DZIP3: variants seen among roughly 807,000 people sequenced by gnomAD.
DZIP3 encodes E3 ubiquitin-protein ligase DZIP3.
Under a neutral mutation model 162.0 loss-of-function variants are expected in DZIP3, and 118 were observed. The observed-to-expected ratio is 0.73, with a 90% CI of 0.63 to 0.85. DZIP3 has a LOEUF of 0.85. DZIP3 is among the 40% of genes least tolerant of loss of function. DZIP3 has a pLI of 0.00. For missense variants in DZIP3, 1,331 were observed against 1,407.0 expected (o/e 0.95, Z 0.86); for synonymous variants, 438 against 458.6 (o/e 0.96, Z 0.57).
At chr3:108,590,877 A>G (rs1196794973) in intron 1 of DZIP3, among the ~76,000 whole-genome samples, 1 of 152,230 alleles carries the variant, frequency 6.6e-6, no homozygotes, top group African/African-American at 2.4e-5. Flanking sequence ...TTGAGAATCT[A>G]CAATGTGCTA....
chr3:108,615,365 T>C (rs960796697), intron 4 of DZIP3, among the ~76,000 whole-genome samples: 1 of 152,198 alleles, frequency 6.6e-6, no homozygotes, highest in Admixed American at 6.5e-5. Flanking sequence ...ATTCAAGAGA[T>C]ATTGTTTGAG....
chr3:108,653,507 G>GTGTGTA (rs1273159630), intron 18 of DZIP3, among the ~76,000 whole-genome samples: 44 of 104,612 alleles, frequency 4.2e-4, no homozygotes, highest in Non-Finnish European at 6.2e-4. Context: ...GTGTGTGTGT[G>GTGTGTA]TATATATATA....
chr3:108,590,653 T>C (rs894269378), intron 1 of DZIP3, among the ~76,000 whole-genome samples: 1 of 152,148 alleles, frequency 6.6e-6, no homozygotes, highest in Non-Finnish European at 1.5e-5. Flanking sequence ...ACATACAAAA[T>C]AGTACTTTTG....
In DZIP3 at chr3:108,642,435, C is replaced by T; in HGVS notation, c.1065-3C>T. 2 of 1,469,988 alleles carry T rather than the reference C, an allele frequency of 1.4e-6. No homozygotes were observed. The highest frequency in any genetic ancestry group is 1.8e-6 in the Non-Finnish European group (2 of 1,089,900). 91.1% of individuals were successfully genotyped at this position (1,469,988 alleles called of 1,614,324 possible). ...CTATAACTTAATTTTTTTCCTTTTG[C>T]AGTTATAGAAAGTTGATATCTCTGA... is the stretch of plus-strand genomic sequence containing the variant. On this transcript the variant is annotated splice_polypyrimidine_tract_variant and splice_region_variant and intron_variant, in intron 12 of 32. Coordinates refer to ENST00000361582, the MANE Select transcript of DZIP3 (RefSeq NM_014648.4).
intron 7 of DZIP3, among the ~76,000 whole-genome samples, chr3:108,626,716 AAG>A (rs1410399040): frequency 6.6e-6 from 1 of 152,222 alleles, no homozygotes; most frequent in Non-Finnish European, 1.5e-5. Flanking sequence ...AGTACAGTGA[AAG>A]ATATAGATCT....
chr3:108,647,326 A>AT (rs138210661), intron 15 of DZIP3, among the ~76,000 whole-genome samples: 20 of 151,576 alleles, frequency 1.3e-4, no homozygotes, highest in Admixed American at 9.2e-4. Flanking sequence ...TTTTTGTGCT[A>AT]TTTTTTTTAA....
At chr3:108,635,086 C>G in intron 10 of DZIP3, 114 bp downstream of exon 10, 1 of 591,018 alleles carries the variant, frequency 1.7e-6, no homozygotes, top group Non-Finnish European at 2.9e-6. Context: ...TTTTTACTTC[C>G]TCCTTTTTTT....
At chr3:108,609,983 T>C (rs1940607866) in intron 3 of DZIP3, among the ~76,000 whole-genome samples, 1 of 152,220 alleles carries the variant, frequency 6.6e-6, no homozygotes, top group Non-Finnish European at 1.5e-5. Context: ...TATGCACTAC[T>C]GATATTGGTC....
At chr3:108,657,246 G>A (rs370926899) in intron 19 of DZIP3, among the ~76,000 whole-genome samples, 1 of 151,898 alleles carries the variant, frequency 6.6e-6, no homozygotes, top group South Asian at 2.1e-4. Flanking sequence ...GAGAAAGGTC[G>A]GGTTACCCAC....
chr3:108,641,378 T>C lies in DZIP3; in HGVS notation c.1065-1060T>C, dbSNP rs1013291091. On this transcript the variant is annotated intron_variant, in intron 12 of 32. Transcript: ENST00000361582. Reference sequence around the variant, plus strand: ...TAGTGTGATTCCATTCTTACTATTATAGTTGTAGTGTTTTCATTTTTATTG... The same window carrying C: ...TAGTGTGATTCCATTCTTACTATTACAGTTGTAGTGTTTTCATTTTTATTG... Among the ~76,000 whole-genome samples the C allele has an allele frequency of 7.2e-5, 11 of 152,192 alleles. No homozygotes were observed. In the South Asian group the frequency reaches 1.4e-3, roughly 20 times the overall value.
chr3:108,651,196 CT>C, intron 18 of DZIP3, 34 bp downstream of exon 18: 1 of 695,078 alleles, frequency 1.4e-6, no homozygotes, highest in Non-Finnish European at 2.0e-6. Context: ...TTAAATTTTT[CT>C]TAGTATTTTT....
At chr3:108,593,978 A>G (rs945506756) in intron 1 of DZIP3, among the ~76,000 whole-genome samples, 3 of 152,084 alleles carry the variant, frequency 2.0e-5, no homozygotes, top group African/African-American at 7.2e-5. Context: ...AATTTCTAGT[A>G]TAGTTACGGA....
At chr3:108,658,744 C>A (rs1220562099) in intron 19 of DZIP3, among the ~76,000 whole-genome samples, 2 of 151,776 alleles carry the variant, frequency 1.3e-5, no homozygotes, top group African/African-American at 4.8e-5. Context: ...AGACCGCTAG[C>A]AAGACTAATA....
intron 8 of DZIP3, among the ~76,000 whole-genome samples, chr3:108,631,055 A>ATACACT (rs1553705360): frequency 2.8e-4 from 5 of 18,006 alleles, no homozygotes; most frequent in Admixed American, 8.5e-4. Context: ...ACACACACAC[A>ATACACT]CTCTCTCTCT....
At chr3:108,608,003 A>G in intron 2 of DZIP3, 86 bp from the exon 3 acceptor site, 1 of 1,164,200 alleles carries the variant, frequency 8.6e-7, no homozygotes. Flanking sequence ...TTCAGACAAT[A>G]ATTCAATTGT....
At chr3:108,634,448 C>A (rs1942045783) in intron 9 of DZIP3, among the ~76,000 whole-genome samples, 1 of 152,042 alleles carries the variant, frequency 6.6e-6, no homozygotes, top group Non-Finnish European at 1.5e-5. Context: ...CAGGAGCTGT[C>A]AGCAAGGCAG....
chr3:108,680,753 G>T (rs114021970), intron 26 of DZIP3, among the ~76,000 whole-genome samples: 1,986 of 152,192 alleles, frequency 0.013, 42 homozygotes, highest in African/African-American at 0.046. Flanking sequence ...TACCAAAACA[G>T]ATATATAGAC....
chr3:108,624,537 T>C lies in DZIP3; in HGVS notation c.456+13T>C, dbSNP rs1477080885. 2 of 1,428,328 alleles carry C rather than the reference T, an allele frequency of 1.4e-6. No individual in the cohort carries two copies. Among genetic ancestry groups the C allele is most frequent in the East Asian group, 4.8e-5 (2 of 41,276 alleles). 88.5% of individuals were successfully genotyped at this position (1,428,328 alleles called of 1,614,324 possible). A position where few individuals can be genotyped will look rare whatever the true frequency, so the allele number is the denominator to read the frequency against. On this transcript the variant is annotated intron_variant, in intron 6 of 32. Coordinates refer to ENST00000361582, the MANE Select transcript of DZIP3 (RefSeq NM_014648.4). ...AGGAAAGAAAGAGGTATGTAACATGTTATTTGCCCTTTATAAATCTTTTTA... is the reference window on the plus strand; with the variant it reads ...AGGAAAGAAAGAGGTATGTAACATGCTATTTGCCCTTTATAAATCTTTTTA...
intron 9 of DZIP3, among the ~76,000 whole-genome samples, chr3:108,634,073 T>A (rs1346207447): frequency 2.6e-5 from 4 of 151,318 alleles, no homozygotes; most frequent in Admixed American, 2.6e-4. Flanking sequence ...CTAAAAAAAA[T>A]AACTGATATC....
Sources: allele counts gnomAD v4.1 joint callset (sites outside exome capture counted in the v4.1 genomes callset), GRCh38; gene constraint gnomAD v4.1.1; transcripts MANE v1.5; gene names NCBI Gene and HGNC (gene_info 2026-07-23, HGNC 2026-07-21).